ACAP2: variants seen among roughly 807,000 people sequenced by gnomAD.
ACAP2 encodes the protein arf-GAP with coiled-coil, ANK repeat and PH domain-containing protein 2.
Under a neutral mutation model 115.8 loss-of-function variants are expected in ACAP2, and 39 were observed. The ratio of observed to expected loss-of-function variants is 0.34; its 90% CI spans 0.26 to 0.44. The LOEUF (loss-of-function observed/expected upper bound fraction) is 0.44. Ranked by LOEUF, ACAP2 falls within the 20% of genes least tolerant of loss-of-function variation. ACAP2 has a pLI of 1.00. For missense variants in ACAP2, 662 were observed against 927.6 expected (o/e 0.71, Z 3.72); for synonymous variants, 289 against 315.8 (o/e 0.92, Z 0.90).
chr3:195,381,221 T>G (rs1244241435), intron 3 of ACAP2, among the ~76,000 whole-genome samples, 159 bp from the exon 4 acceptor site: 2 of 152,176 alleles, frequency 1.3e-5, no homozygotes, highest in Non-Finnish European at 2.9e-5. Flanking sequence ...GGGTACACTC[T>G]GCAGAGGTCA....
rs1162202464 is a variant in ACAP2 at position 195,442,997 on chromosome 3, G to C, written c.-150C>G. The C allele has an allele frequency of 1.7e-6, 1 of 605,838 alleles. No homozygotes were observed. The highest frequency in any genetic ancestry group is 3.4e-5 in the East Asian group (1 of 29,064). 37.5% of individuals were successfully genotyped at this position (605,838 alleles called of 1,614,324 possible). The stretch of plus-strand genomic sequence containing the variant: ...GCCTCGCCCGCTGGTCATAGCAGCC[G>C]CGAAGACGGCGACGACTAGTCAGGC... On this transcript the variant is annotated 5_prime_UTR_variant, in exon 1 of 23. Transcript: ENST00000326793.
intron 2 of ACAP2, among the ~76,000 whole-genome samples, chr3:195,387,408 G>GT (rs1734375586): frequency 6.6e-6 from 1 of 152,128 alleles, no homozygotes; most frequent in Admixed American, 6.6e-5. Flanking sequence ...TCCAATTCTT[G>GT]TTTTTTCATG....
At chr3:195,428,815 G>A (rs1280648516) in intron 1 of ACAP2, among the ~76,000 whole-genome samples, 2 of 152,098 alleles carry the variant, frequency 1.3e-5, no homozygotes, top group African/African-American at 2.4e-5. Context: ...GGAGCAACAG[G>A]AACACTCAAA....
chr3:195,435,697 T>TTA (rs1715482234), intron 1 of ACAP2, among the ~76,000 whole-genome samples: 1 of 152,214 alleles, frequency 6.6e-6, no homozygotes, highest in African/African-American at 2.4e-5. Flanking sequence ...TTTTATCCCC[T>TTA]TATGGTCAGA....
chr3:195,341,941 A>C (rs1730904672), intron 6 of ACAP2, among the ~76,000 whole-genome samples: 1 of 152,124 alleles, frequency 6.6e-6, no homozygotes, highest in African/African-American at 2.4e-5. Context: ...GCTAAGTTAT[A>C]GGTTCTCAGG....
At chr3:195,324,726 C>T (rs936344427) in intron 9 of ACAP2, among the ~76,000 whole-genome samples, 4 of 151,878 alleles carry the variant, frequency 2.6e-5, no homozygotes, top group African/African-American at 4.8e-5. Context: ...TGCACTCCAG[C>T]CTGGGCGACA....
At position 195,301,502 on chromosome 3, in the gene ACAP2, T is replaced by A; in HGVS notation, c.1395+73A>T. 3 of 1,209,584 alleles carry A rather than the reference T, an allele frequency of 2.5e-6. No individual in the cohort carries two copies. The South Asian group carries it at 3.9e-5, about 16-fold the overall frequency. The allele number at this position is 1,209,584 out of a possible 1,614,324, so 74.9% of individuals were successfully genotyped here. ...TGGTAGCATGAAGAACTCACACATT[T>A]GTAAACCAAGATTCTAAAATCTTCA... is the stretch of plus-strand genomic sequence containing the variant. On this transcript the variant is annotated intron_variant, in intron 15 of 22. Transcript: ENST00000326793.
Position 195,372,975 on chromosome 3 carries a change from G to A in ACAP2, c.285+8034C>T, listed in dbSNP as rs558055577. On this transcript the variant is annotated intron_variant, in intron 4 of 22. Coordinates refer to ENST00000326793, the MANE Select transcript of ACAP2 (RefSeq NM_012287.6). ...TGCACTCCAGCCTGGGCGACAGAGCGAGACTCCATCTCAAAAAAAAAAAAA... is the reference window on the plus strand; with the variant it reads ...TGCACTCCAGCCTGGGCGACAGAGCAAGACTCCATCTCAAAAAAAAAAAAA... Among the ~76,000 whole-genome samples the A allele has an allele frequency of 3.2e-4, 25 of 77,216 alleles. No individual in the cohort carries two copies. The South Asian group carries it at 5.4e-3, about 17-fold the overall frequency. The allele number at this position is 77,216 out of a possible 152,430, so 50.7% of individuals were successfully genotyped here.
chr3:195,311,457 T>C (rs1001145257), intron 10 of ACAP2, among the ~76,000 whole-genome samples: 2 of 152,066 alleles, frequency 1.3e-5, no homozygotes, highest in Non-Finnish European at 2.9e-5. Context: ...GCTCATGGAC[T>C]GTGAAATATA....
At chr3:195,401,408 T>TA (rs1712282208) in intron 1 of ACAP2, among the ~76,000 whole-genome samples, 1 of 152,328 alleles carries the variant, frequency 6.6e-6, no homozygotes, top group African/African-American at 2.4e-5. Flanking sequence ...CTCAGGCCTG[T>TA]AATCCCAGCA....
chr3:195,332,047 T>A (rs1267943592), intron 8 of ACAP2, among the ~76,000 whole-genome samples: 1 of 145,942 alleles, frequency 6.9e-6, no homozygotes, highest in African/African-American at 2.6e-5. Flanking sequence ...GGCAGGAGAA[T>A]GGCAAGAACC....
At chr3:195,431,340 T>C (rs1715105729) in intron 1 of ACAP2, among the ~76,000 whole-genome samples, 1 of 152,208 alleles carries the variant, frequency 6.6e-6, no homozygotes, top group Non-Finnish European at 1.5e-5. Flanking sequence ...ATGAACATCC[T>C]TGTACAAAGT....
chr3:195,363,449 C>T (rs752091737), intron 4 of ACAP2, among the ~76,000 whole-genome samples: 4 of 152,018 alleles, frequency 2.6e-5, no homozygotes, highest in Non-Finnish European at 4.4e-5. Flanking sequence ...TCGAGACCAG[C>T]CTGACCAACA....
chr3:195,296,902 CA>C, intron 16 of ACAP2, among the ~76,000 whole-genome samples: 1 of 152,190 alleles, frequency 6.6e-6, no homozygotes, highest in South Asian at 2.1e-4. Flanking sequence ...TGAATGCTAC[CA>C]TGGACAGAAC....
At chr3:195,424,132 T>C (rs979317008) in intron 1 of ACAP2, among the ~76,000 whole-genome samples, 1 of 151,152 alleles carries the variant, frequency 6.6e-6, no homozygotes, top group Non-Finnish European at 1.5e-5. Flanking sequence ...TACCACTTAA[T>C]AGTTGTGTTC....
At chr3:195,379,843 A>G (rs1483660298) in intron 4 of ACAP2, among the ~76,000 whole-genome samples, 7 of 152,178 alleles carry the variant, frequency 4.6e-5, no homozygotes. Flanking sequence ...AATGGTAACA[A>G]TGACAGAAGA....
chr3:195,310,263 T>C (rs1728677125), intron 10 of ACAP2, among the ~76,000 whole-genome samples: 1 of 152,206 alleles, frequency 6.6e-6, no homozygotes, highest in Admixed American at 6.5e-5. Context: ...GCCTTTACCA[T>C]TAAAAAAGAC....
chr3:195,367,052 C>CAA (rs35590029), intron 4 of ACAP2, among the ~76,000 whole-genome samples: 27,556 of 75,886 alleles, frequency 0.36, 4,228 homozygotes, highest in East Asian at 0.81. Flanking sequence ...CCAACCCCGC[C>CAA]AAAAAAAAAA....
In ACAP2 at chr3:195,442,868, G is replaced by A. The variant is rs1290900737; in HGVS notation, c.-21C>T. 3 of 1,511,958 alleles carry A rather than the reference G, an allele frequency of 2.0e-6. No individual in the cohort carries two copies. The highest frequency in any genetic ancestry group is 4.3e-5 in the Admixed American group (2 of 46,122). 93.7% of individuals were successfully genotyped at this position (1,511,958 alleles called of 1,614,324 possible). A position where few individuals can be genotyped will look rare whatever the true frequency, so the allele number is the denominator to read the frequency against. On this transcript the variant is annotated 5_prime_UTR_variant, in exon 1 of 23. Coordinates refer to ENST00000326793, the MANE Select transcript of ACAP2 (RefSeq NM_012287.6). ...TTCATCCTGCCTCCGCCTCGCAGGC[G>A]GCGCTGGCAAAGCCGAGGGGGCCGC...
Sources: gnomAD v4.1 joint callset for allele counts (sites outside exome capture counted in the v4.1 genomes callset) on GRCh38, gnomAD v4.1.1 for gene constraint, MANE v1.5 for transcripts, NCBI Gene and HGNC (gene_info 2026-07-23, HGNC 2026-07-21) for gene names.